Variants in TRMT10B observed in about 807,000 individuals in gnomAD.
TRMT10B encodes tRNA methyltransferase 10B.
In TRMT10B, 33 loss-of-function variants were observed where a neutral mutation model predicts 43.8. The observed-to-expected ratio is 0.75, with a 90% CI of 0.57 to 1.01. The LOEUF is 1.01. TRMT10B is among the 50% of genes least tolerant of loss of function. TRMT10B has a pLI of 0.00. For missense variants in TRMT10B, 362 were observed against 369.8 expected, an observed-to-expected ratio of 0.98 and a Z score of 0.17; for synonymous variants, 137 against 130.6, an observed-to-expected ratio of 1.05 and a Z score of -0.34.
In TRMT10B at chr9:37,778,889, A is replaced by AGGAT. The variant is rs1365782644; in HGVS notation, c.*1182_*1183insGGAT. On this transcript the variant is annotated 3_prime_UTR_variant, in exon 9 of 9. Coordinates refer to ENST00000297994, the MANE Select transcript of TRMT10B (RefSeq NM_144964.4). ...GGATCCTAACAGGACAAATCTGTGT[A>AGGAT]CCTATCTTTCTATCCTCCCTGAGCC... The AGGAT allele has an allele frequency of 1.3e-5, 2 of 152,148 alleles. No individual in the cohort carries two copies. Among genetic ancestry groups the AGGAT allele is most frequent in the African/African-American group, 4.8e-5 (2 of 41,404 alleles). 9.4% of individuals were successfully genotyped at this position (152,148 alleles called of 1,614,324 possible).
chr9:37,774,184 T>C (rs144928366), intron 7 of TRMT10B, among the ~76,000 whole-genome samples: 23 of 152,236 alleles, frequency 1.5e-4, no homozygotes, highest in East Asian at 5.8e-4. Flanking sequence ...TAATTTTTTG[T>C]TGAGTTGGGG....
At chr9:37,763,274 CTG>C (rs1439672267) in intron 3 of TRMT10B, among the ~76,000 whole-genome samples, 1 of 151,518 alleles carries the variant, frequency 6.6e-6, no homozygotes, top group Non-Finnish European at 1.5e-5. Context: ...ATTCAGTATT[CTG>C]TGTTAGGTTC....
chr9:37,772,703 T>A (rs1308516539), intron 7 of TRMT10B, among the ~76,000 whole-genome samples: 2 of 152,038 alleles, frequency 1.3e-5, no homozygotes, highest in Non-Finnish European at 2.9e-5. Context: ...AAGAGGTTCG[T>A]CCAGGCACAG....
intron 1 of TRMT10B, among the ~76,000 whole-genome samples, chr9:37,758,370 C>T (rs1306234121): frequency 6.6e-6 from 1 of 152,206 alleles, no homozygotes; most frequent in African/African-American, 2.4e-5. Flanking sequence ...TGTGATTGCA[C>T]CACTGCACCC....
rs1828355607 is a variant in TRMT10B, at chr9:37,777,880, C to A, written c.*173C>A. 1.6e-5 allele frequency: 8 copies of A among 494,112 alleles called. No homozygotes were observed. In the South Asian group the frequency reaches 1.7e-4, roughly 10 times the overall value. 30.6% of individuals were successfully genotyped at this position (494,112 alleles called of 1,614,324 possible). A position where few individuals can be genotyped will look rare whatever the true frequency, so the allele number is the denominator to read the frequency against. On this transcript the variant is annotated 3_prime_UTR_variant, in exon 9 of 9. Transcript: ENST00000297994. ...ATTAGCCAGGTGTGGTGGCGCATACCTGTAGTCCCAGCTACTTGGGAGGCT... is the reference window on the plus strand; with the variant it reads ...ATTAGCCAGGTGTGGTGGCGCATACATGTAGTCCCAGCTACTTGGGAGGCT...
rs1163672883 is a variant in TRMT10B at position 37,777,986 on chromosome 9, C to T, written c.*279C>T. 1 of 242,506 alleles carries T rather than the reference C, an allele frequency of 4.1e-6. No homozygotes were observed. The highest frequency in any genetic ancestry group is 2.3e-5 in the African/African-American group (1 of 43,378). 15.0% of individuals were successfully genotyped at this position (242,506 alleles called of 1,614,324 possible). On this transcript the variant is annotated 3_prime_UTR_variant, in exon 9 of 9. Transcript: ENST00000297994. ...CACCAGTGCACTCCAGCCTGGGTGACAGAGCAAGACTCCATCTCAAAAAAA... is the reference window on the plus strand; with the variant it reads ...CACCAGTGCACTCCAGCCTGGGTGATAGAGCAAGACTCCATCTCAAAAAAA...
rs551280759 is a variant in TRMT10B, at chr9:37,754,532, T to C, written c.-30+680T>C. On this transcript the variant is annotated intron_variant, in intron 1 of 8. Transcript: ENST00000297994. ...AGGGTTCTAAGCAGAAGAGTGGTGATCATCAAATACTTAGGATGCTCACAG... is the reference window on the plus strand; with the variant it reads ...AGGGTTCTAAGCAGAAGAGTGGTGACCATCAAATACTTAGGATGCTCACAG... Among the ~76,000 whole-genome samples, 4 of 152,158 alleles carry C rather than the reference T, an allele frequency of 2.6e-5. No homozygotes were observed. The South Asian group carries it at 8.3e-4, about 32-fold the overall frequency.
In TRMT10B at chr9:37,765,895, G is replaced by T. The variant is rs184903101; in HGVS notation, c.420+2142G>T. On this transcript the variant is annotated intron_variant, in intron 4 of 8. Transcript: ENST00000297994. ...CTGCATAAATGTCGTCTTTTGAGAA[G>T]TGTCTGTTCATATCCTTTGCCCACT... 7.5e-3 allele frequency among the ~76,000 whole-genome samples: 1,119 copies of T among 150,128 alleles called. 9 individuals carry two copies. Among genetic ancestry groups the T allele is most frequent in the Non-Finnish European group, 0.011 (737 of 67,756 alleles).
At chr9:37,770,078 T>C in intron 6 of TRMT10B, 59 bp downstream of exon 6, 6 of 1,464,280 alleles carry the variant, frequency 4.1e-6, no homozygotes, top group Non-Finnish European at 5.7e-6. Flanking sequence ...CATTATTCCC[T>C]GTGGCAGAAT....
At chr9:37,756,753 CATAT>C (rs531520395) in intron 1 of TRMT10B, among the ~76,000 whole-genome samples, 13 of 150,732 alleles carry the variant, frequency 8.6e-5, no homozygotes, top group Non-Finnish European at 1.6e-4. Flanking sequence ...CACACACACA[CATAT>C]ATATATACAC....
intron 7 of TRMT10B, among the ~76,000 whole-genome samples, chr9:37,773,256 T>C (rs985032048): frequency 4.6e-5 from 7 of 151,376 alleles, no homozygotes; most frequent in Non-Finnish European, 1.0e-4. Context: ...TATAGGCACA[T>C]GCTACCATGG....
chr9:37,759,662 C>G (rs1826117668), intron 1 of TRMT10B, among the ~76,000 whole-genome samples: 1 of 151,822 alleles, frequency 6.6e-6, no homozygotes, highest in African/African-American at 2.4e-5. Context: ...GCTAAAAATA[C>G]AAAAATTAGC....
chr9:37,754,392 G>C (rs532196083), intron 1 of TRMT10B, among the ~76,000 whole-genome samples: 1 of 152,276 alleles, frequency 6.6e-6, no homozygotes, highest in Non-Finnish European at 1.5e-5. Flanking sequence ...TATGTTTGAG[G>C]AACAGCAAAT....
At position 37,778,840 on chromosome 9, in the gene TRMT10B, T is replaced by TCTTCCTAATC. The variant is rs1260999082; in HGVS notation, c.*1143_*1152dup. On this transcript the variant is annotated 3_prime_UTR_variant, in exon 9 of 9. Transcript: ENST00000297994. ...GCAGAGTATGGGCATGGAGGGCTTC[T>TCTTCCTAATC]CTTCCTAATCCTTCCTAATGGTAGG... is the stretch of plus-strand genomic sequence containing the variant. 1 of 152,240 alleles carries TCTTCCTAATC rather than the reference T, an allele frequency of 6.6e-6. No homozygotes were observed. The highest frequency in any genetic ancestry group is 1.5e-5 in the Non-Finnish European group (1 of 68,080). 9.4% of individuals were successfully genotyped at this position (152,240 alleles called of 1,614,324 possible). A position where few individuals can be genotyped will look rare whatever the true frequency, so the allele number is the denominator to read the frequency against.
intron 5 of TRMT10B, among the ~76,000 whole-genome samples, chr9:37,769,068 G>C (rs1827270330): frequency 6.6e-6 from 1 of 151,866 alleles, no homozygotes; most frequent in African/African-American, 2.4e-5. Context: ...TGCACTTTGG[G>C]AGGCCGAGGC....
At chr9:37,755,423 C>G (rs1369931023) in intron 1 of TRMT10B, among the ~76,000 whole-genome samples, 1 of 151,654 alleles carries the variant, frequency 6.6e-6, no homozygotes, top group Non-Finnish European at 1.5e-5. Context: ...GTTCCTATGT[C>G]CAAAAAAAAA....
At chr9:37,770,760 C>G in intron 7 of TRMT10B, 21 bp downstream of exon 7, 1 of 1,612,512 alleles carries the variant, frequency 6.2e-7, no homozygotes, top group Non-Finnish European at 8.5e-7. Context: ...ATTTCAGCCC[C>G]AACATCTGTT....
chr9:37,777,230 A>T, intron 8 of TRMT10B, among the ~76,000 whole-genome samples: 1 of 129,746 alleles, frequency 7.7e-6, no homozygotes, highest in South Asian at 2.6e-4. Flanking sequence ...AAAAAAAAAA[A>T]AATTGTCCCC....
At chr9:37,758,674 CCT>C (rs1197008853) in intron 1 of TRMT10B, among the ~76,000 whole-genome samples, 19 of 152,088 alleles carry the variant, frequency 1.2e-4, no homozygotes, top group African/African-American at 4.1e-4. Context: ...GTAATAGACT[CCT>C]GGTAATTGTC....
Sources: gnomAD v4.1 joint callset for allele counts (sites outside exome capture counted in the v4.1 genomes callset) on GRCh38, gnomAD v4.1.1 for gene constraint, MANE v1.5 for transcripts, NCBI Gene and HGNC (gene_info 2026-07-23, HGNC 2026-07-21) for gene names.